The following WDFY4 variants were observed in gnomAD, a reference collection of about 807,000 sequenced individuals.
The protein encoded by WDFY4 is WD repeat- and FYVE domain-containing protein 4.
WDFY4 carries 169 observed loss-of-function variants against 351.9 expected under a neutral mutation model. That is an observed-to-expected ratio of 0.48 (90% CI 0.42 to 0.55). WDFY4 has a LOEUF of 0.55. WDFY4 is among the 20% of genes least tolerant of loss of function. The pLI is 0.00. For synonymous variants in WDFY4, 1,622 were observed against 1,574.6 expected (o/e 1.03, Z -0.71); for missense variants, 3,803 against 3,935.6 (o/e 0.97, Z 0.90).
At chr10:48,822,005 T>C (rs2067839732) in intron 34 of WDFY4, among the ~76,000 whole-genome samples, 1 of 152,344 alleles carries the variant, frequency 6.6e-6, no homozygotes, top group East Asian at 1.9e-4. Flanking sequence ...TTGGTGAGCA[T>C]AGATGGATAA....
intron 13 of WDFY4, among the ~76,000 whole-genome samples, chr10:48,761,987 A>T (rs1304960809): frequency 6.6e-6 from 1 of 152,210 alleles, no homozygotes; most frequent in Non-Finnish European, 1.5e-5. Context: ...ATGTGGCCTT[A>T]CCTTGGGGCA....
At chr10:48,973,513 T>A (rs1387259377) in intron 57 of WDFY4, among the ~76,000 whole-genome samples, 1 of 152,204 alleles carries the variant, frequency 6.6e-6, no homozygotes, top group Non-Finnish European at 1.5e-5. Context: ...CCCAAATGAA[T>A]GAGTGATTGT....
chr10:48,933,066 A>T (rs1343157788), intron 47 of WDFY4, among the ~76,000 whole-genome samples: 1 of 152,180 alleles, frequency 6.6e-6, no homozygotes, highest in Non-Finnish European at 1.5e-5. Context: ...GAGACAGGCC[A>T]GCTGCAGGCA....
rs905784811 is a variant in WDFY4, at chr10:48,943,204, G to A, written c.7630-126G>A. Reference sequence around the variant, plus strand: ...TGCATGAGATGTGCACAAAGTAACCGAGGGGCTGGCTGCCTGTCCTCACCC... The same window carrying A: ...TGCATGAGATGTGCACAAAGTAACCAAGGGGCTGGCTGCCTGTCCTCACCC... On this transcript the variant is annotated intron_variant, in intron 48 of 61. Coordinates refer to ENST00000325239, the MANE Select transcript of WDFY4 (RefSeq NM_001394531.1). The A allele has an allele frequency of 3.7e-5, 42 of 1,120,858 alleles. 2 individuals are homozygous for A. The South Asian group carries it at 4.8e-4, about 13-fold the overall frequency. 69.4% of individuals were successfully genotyped at this position (1,120,858 alleles called of 1,614,324 possible).
At chr10:48,910,338 G>A in intron 47 of WDFY4, 3 of 1,235,646 alleles carry the variant, frequency 2.4e-6, no homozygotes, top group Non-Finnish European at 3.6e-6. Flanking sequence ...GGTCACACCA[G>A]CTCACCAAGG....
intron 30 of WDFY4, among the ~76,000 whole-genome samples, chr10:48,812,471 T>A (rs2067487842): frequency 6.6e-6 from 1 of 152,122 alleles, no homozygotes; most frequent in Admixed American, 6.5e-5. Flanking sequence ...ATTACAGGCG[T>A]GACCCACCGC....
chr10:48,768,658 G>T (rs2065754362), intron 13 of WDFY4, among the ~76,000 whole-genome samples: 1 of 151,352 alleles, frequency 6.6e-6, no homozygotes, highest in Admixed American at 6.6e-5. Flanking sequence ...TGGGCACTAG[G>T]GAAACCAAGG....
intron 39 of WDFY4, among the ~76,000 whole-genome samples, chr10:48,844,949 T>C (rs534967472): frequency 6.0e-4 from 91 of 152,162 alleles, no homozygotes; most frequent in Non-Finnish European, 1.0e-3. Context: ...GTGATGGCTG[T>C]AGGTTGGAAG....
At chr10:48,882,442 AC>A (rs372151747) in intron 43 of WDFY4, among the ~76,000 whole-genome samples, 44 of 152,316 alleles carry the variant, frequency 2.9e-4, no homozygotes, top group South Asian at 2.7e-3. Context: ...ATCTTCATGC[AC>A]TGTCTCATTC....
chr10:48,698,641 A>G (rs1352039935), intron 1 of WDFY4, among the ~76,000 whole-genome samples: 1 of 152,202 alleles, frequency 6.6e-6, no homozygotes, highest in African/African-American at 2.4e-5. Flanking sequence ...CACAACCCCA[A>G]ATATGGCTCC....
intron 27 of WDFY4, 134 bp downstream of exon 27, chr10:48,806,229 G>A (rs766026491): frequency 1.1e-5 from 9 of 785,090 alleles, no homozygotes; most frequent in South Asian, 1.1e-4. Context: ...TTTCCAAGCC[G>A]TGGCCTGTGA....
In WDFY4 at chr10:48,946,896, A is replaced by C. The variant is rs1312342467; in HGVS notation, c.7904A>C (p.Tyr2635Ser). 1 of 1,550,308 alleles carries C rather than the reference A, an allele frequency of 6.5e-7. No homozygotes were observed. Among genetic ancestry groups the C allele is most frequent in the Non-Finnish European group, 8.7e-7 (1 of 1,146,684 alleles). Residue 2635 changes from tyrosine (Y) to serine (S), a missense_variant, in exon 51 of 62, where the codon TAC becomes TCC. Around this residue, in one of 3 missense-constraint regions of WDFY4, gnomAD observed 3,054 missense variants for 3,148.6 expected, o/e 0.97. Coordinates refer to ENST00000325239, the MANE Select transcript of WDFY4 (RefSeq NM_001394531.1). The part of the protein sequence containing the change: ...MTVQCHYYTH[Y>S]SSAIIVASYL... ...GTCCAGTGCCACTACTACACCCACT[A>C]CTCCTCGGCCATCATCGTGGCCTCC...
chr10:48,700,426 G>A (rs1187329773), intron 1 of WDFY4, among the ~76,000 whole-genome samples: 1 of 152,240 alleles, frequency 6.6e-6, no homozygotes, highest in African/African-American at 2.4e-5. Flanking sequence ...CTCTGATCTT[G>A]TCACTGGGTC....
chr10:48,712,689 T>C (rs2063798079), intron 2 of WDFY4, among the ~76,000 whole-genome samples: 1 of 152,176 alleles, frequency 6.6e-6, no homozygotes, highest in African/African-American at 2.4e-5. Context: ...TAACCTGAGA[T>C]GAAGCATGAG....
intron 2 of WDFY4, among the ~76,000 whole-genome samples, chr10:48,717,738 A>G (rs1387897872): frequency 6.6e-6 from 1 of 152,170 alleles, no homozygotes; most frequent in East Asian, 1.9e-4. Context: ...ATCTAGCTCC[A>G]TTTGTTTTTC....
intron 37 of WDFY4, among the ~76,000 whole-genome samples, chr10:48,829,162 G>A (rs954640489): frequency 2.6e-5 from 4 of 152,134 alleles, no homozygotes; most frequent in Non-Finnish European, 4.4e-5. Context: ...GGAATGAATC[G>A]ATGCATAGGT....
At chr10:48,946,366 C>T (rs966731628) in intron 50 of WDFY4, among the ~76,000 whole-genome samples, 1 of 152,320 alleles carries the variant, frequency 6.6e-6, no homozygotes, top group Non-Finnish European at 1.5e-5. Context: ...TAAATAAGTC[C>T]GTGGTGTGGC....
At chr10:48,855,549 A>G (rs2069104987) in intron 39 of WDFY4, among the ~76,000 whole-genome samples, 1 of 152,136 alleles carries the variant, frequency 6.6e-6, no homozygotes, top group Non-Finnish European at 1.5e-5. Context: ...TCACTTTCTT[A>G]AAAATCATTA....
chr10:48,742,843 C>A, intron 11 of WDFY4, 125 bp from the exon 12 acceptor site: 1 of 859,032 alleles, frequency 1.2e-6, no homozygotes, highest in Non-Finnish European at 1.8e-6. Context: ...GTGATCCTTC[C>A]TGTAACTTGT....
Sources: gnomAD v4.1 joint callset for allele counts (sites outside exome capture counted in the v4.1 genomes callset) on GRCh38, gnomAD v4.1.1 for gene constraint, gnomAD v4.1.1 regional missense constraint, MANE v1.5 for transcripts, NCBI Gene and HGNC (gene_info 2026-07-23, HGNC 2026-07-21) for gene names.